Variants in AGBL4 observed in about 807,000 individuals in gnomAD.
The protein encoded by AGBL4 is cytosolic carboxypeptidase 6.
In AGBL4, 58 loss-of-function variants were observed where a neutral mutation model predicts 66.4. The observed-to-expected ratio is 0.87, with a 90% CI of 0.71 to 1.09. The LOEUF (loss-of-function observed/expected upper bound fraction) is 1.09. Ranked by LOEUF, AGBL4 falls within the 50% of genes least tolerant of loss-of-function variation. The pLI, the probability that AGBL4 is intolerant of heterozygous loss-of-function variation, is 0.00. For synonymous variants in AGBL4, 234 were observed against 222.9 expected (o/e 1.05, Z -0.44); for missense variants, 579 against 631.0 (o/e 0.92, Z 0.88).
intron 4 of AGBL4, among the ~76,000 whole-genome samples, chr1:49,136,272 C>G (rs542191874): frequency 6.6e-6 from 1 of 152,114 alleles, no homozygotes; most frequent in Non-Finnish European, 1.5e-5. Context: ...TTACTAGGTG[C>G]TGGTCATTTC....
chr1:48,569,099 T>C (rs1644520642), intron 11 of AGBL4, among the ~76,000 whole-genome samples: 1 of 152,258 alleles, frequency 6.6e-6, no homozygotes, highest in African/African-American at 2.4e-5. Flanking sequence ...GTGTATGCTT[T>C]GACCCTGGGC....
intron 4 of AGBL4, among the ~76,000 whole-genome samples, chr1:49,113,504 C>T (rs1372269821): frequency 6.6e-6 from 1 of 152,090 alleles, no homozygotes; most frequent in African/African-American, 2.4e-5. Flanking sequence ...CCACCTGCCT[C>T]AGCCTCCCAA....
At chr1:48,694,002 C>A (rs1192919359) in intron 6 of AGBL4, among the ~76,000 whole-genome samples, 1 of 150,848 alleles carries the variant, frequency 6.6e-6, no homozygotes, top group Admixed American at 6.6e-5. Context: ...TTCTTACGTT[C>A]CGCCTTTGTA....
chr1:48,733,517 C>T (rs556677326), intron 6 of AGBL4, among the ~76,000 whole-genome samples: 3 of 152,258 alleles, frequency 2.0e-5, no homozygotes, highest in South Asian at 2.1e-4. Context: ...AATTTAAAAA[C>T]GGCTTGGAAA....
rs531182285 is a variant in AGBL4, at chr1:49,036,427, C to T, written c.594+9157G>A. On this transcript the variant is annotated intron_variant, in intron 5 of 13. Transcript: ENST00000371839. ...AACCTAGATCATGTCCAAAGAAGAA[C>T]AACAAAGAAGGTAAAAAGTTTGACA... 3.1e-4 allele frequency among the ~76,000 whole-genome samples: 47 copies of T among 151,904 alleles called. 1 individual carries two copies. The highest frequency in any genetic ancestry group is 2.5e-3 in the Admixed American group (38 of 15,256).
intron 9 of AGBL4, among the ~76,000 whole-genome samples, chr1:48,605,652 A>G (rs1259118477): frequency 6.6e-6 from 1 of 152,206 alleles, no homozygotes; most frequent in Non-Finnish European, 1.5e-5. Flanking sequence ...TCTTCATTTT[A>G]ATAGGTCCAA....
chr1:49,697,496 C>T, intron 2 of AGBL4, 59 bp from the exon 3 acceptor site: 3 of 1,324,210 alleles, frequency 2.3e-6, no homozygotes, highest in Non-Finnish European at 3.1e-6. Flanking sequence ...CTCAATGGTA[C>T]ACACATTTAA....
At chr1:49,540,575 A>G (rs1199031620) in intron 3 of AGBL4, among the ~76,000 whole-genome samples, 1 of 152,222 alleles carries the variant, frequency 6.6e-6, no homozygotes, top group African/African-American at 2.4e-5. Context: ...ATGTTTGTTA[A>G]AAGCATAACC....
chr1:49,180,575 A>T (rs1646913203), intron 4 of AGBL4, among the ~76,000 whole-genome samples: 1 of 152,198 alleles, frequency 6.6e-6, no homozygotes, highest in African/African-American at 2.4e-5. Flanking sequence ...TTACTGAATT[A>T]TTGAATTGGG....
chr1:49,339,814 C>CATT (rs1474741289), intron 3 of AGBL4, among the ~76,000 whole-genome samples: 1 of 152,084 alleles, frequency 6.6e-6, no homozygotes, highest in African/African-American at 2.4e-5. Flanking sequence ...ACAAATTTGG[C>CATT]ATTATTCCAT....
intron 3 of AGBL4, among the ~76,000 whole-genome samples, chr1:49,512,175 G>T (rs376713364): frequency 1.3e-5 from 2 of 151,928 alleles, no homozygotes; most frequent in South Asian, 2.1e-4. Flanking sequence ...AAGATAAAAA[G>T]CTCTATATTG....
intron 3 of AGBL4, among the ~76,000 whole-genome samples, chr1:49,564,666 G>T (rs1368408952): frequency 6.6e-6 from 1 of 152,224 alleles, no homozygotes; most frequent in African/African-American, 2.4e-5. Flanking sequence ...ACTGTGGTCT[G>T]AGAGACAGTT....
intron 2 of AGBL4, among the ~76,000 whole-genome samples, chr1:49,733,315 G>A (rs964670560): frequency 4.6e-5 from 7 of 152,192 alleles, no homozygotes; most frequent in Non-Finnish European, 7.3e-5. Context: ...ATGGTACCAA[G>A]AGGTAAATTC....
At chr1:49,308,147 C>T (rs1644880434) in intron 3 of AGBL4, among the ~76,000 whole-genome samples, 1 of 152,164 alleles carries the variant, frequency 6.6e-6, no homozygotes, top group Non-Finnish European at 1.5e-5. Flanking sequence ...GAAGCAGATG[C>T]TGCCATTCTT....
intron 3 of AGBL4, among the ~76,000 whole-genome samples, chr1:49,551,393 T>C (rs575311041): frequency 6.6e-6 from 1 of 152,218 alleles, no homozygotes; most frequent in East Asian, 1.9e-4. Flanking sequence ...ATTACCAGAG[T>C]TGGTTTTCTG....
intron 3 of AGBL4, among the ~76,000 whole-genome samples, chr1:49,625,141 A>G (rs1645441121): frequency 6.6e-6 from 1 of 152,068 alleles, no homozygotes; most frequent in South Asian, 2.1e-4. Context: ...TGTTCCCTAA[A>G]CTACTATGGC....
chr1:49,701,353 G>A (rs1294051000), intron 2 of AGBL4, among the ~76,000 whole-genome samples: 1 of 151,962 alleles, frequency 6.6e-6, no homozygotes, highest in Non-Finnish European at 1.5e-5. Context: ...CTTATGTTAA[G>A]TATTTTTATC....
At chr1:48,578,330 TAGTC>T (rs1007879804) in intron 11 of AGBL4, among the ~76,000 whole-genome samples, 5 of 152,292 alleles carry the variant, frequency 3.3e-5, no homozygotes, top group African/African-American at 1.2e-4. Flanking sequence ...TTCAGCCAGA[TAGTC>T]AATCAGAAGG....
intron 5 of AGBL4, among the ~76,000 whole-genome samples, chr1:48,888,774 G>A (rs1338839831): frequency 6.6e-6 from 1 of 152,216 alleles, no homozygotes; most frequent in Non-Finnish European, 1.5e-5. Context: ...GCTCAATGCA[G>A]GTAGGGAGTT....
Sources: allele counts gnomAD v4.1 joint callset (sites outside exome capture counted in the v4.1 genomes callset), GRCh38; gene constraint gnomAD v4.1.1; transcripts MANE v1.5; gene names NCBI Gene and HGNC (gene_info 2026-07-23, HGNC 2026-07-21).